Variants in PLCG2 observed in about 807,000 individuals in gnomAD.
The protein encoded by PLCG2 is 1-phosphatidylinositol 4,5-bisphosphate phosphodiesterase gamma-2.
Under a neutral mutation model 175.6 loss-of-function variants are expected in PLCG2, and 69 were observed. The ratio of observed to expected loss-of-function variants is 0.39; its 90% CI spans 0.32 to 0.48. The LOEUF (loss-of-function observed/expected upper bound fraction) is 0.48. Among genes scored for constraint, PLCG2 ranks in the 20% least tolerant of loss-of-function variants. PLCG2 has a pLI of 0.91. For synonymous variants in PLCG2, 827 were observed against 624.0 expected, an observed-to-expected ratio of 1.33 and a Z score of -4.85; for missense variants, 1,798 against 1,650.9, an observed-to-expected ratio of 1.09 and a Z score of -1.54.
intron 2 of PLCG2, among the ~76,000 whole-genome samples, chr16:81,846,454 C>T (rs927765363): frequency 6.6e-6 from 1 of 152,208 alleles, no homozygotes; most frequent in African/African-American, 2.4e-5. Flanking sequence ...AGGGAACCAA[C>T]CTATGATAAC....
intron 30 of PLCG2, among the ~76,000 whole-genome samples, chr16:81,944,227 T>G (rs1308565761): frequency 1.3e-5 from 2 of 152,178 alleles, no homozygotes; most frequent in African/African-American, 4.8e-5. Flanking sequence ...GATGGGTAGA[T>G]AAATCCATGA....
rs774094130 is a variant in PLCG2 at position 81,958,028 on chromosome 16, G to C, written c.*30G>C. The C allele has an allele frequency of 6.6e-7, 1 of 1,524,736 alleles. No individual in the cohort carries two copies. The highest frequency in any genetic ancestry group is 9.1e-7 in the Non-Finnish European group (1 of 1,098,386). 94.5% of individuals were successfully genotyped at this position (1,524,736 alleles called of 1,614,324 possible). ...TGGGGTATGTGTGTAAGGGTATTGT[G>C]TGTGTGCGCATGTGTGTTTGCATGT... On this transcript the variant is annotated 3_prime_UTR_variant, in exon 33 of 33. Coordinates refer to ENST00000564138, the MANE Select transcript of PLCG2 (RefSeq NM_002661.5).
chr16:81,813,038 C>T (rs903474444), intron 2 of PLCG2, among the ~76,000 whole-genome samples: 14 of 152,134 alleles, frequency 9.2e-5, no homozygotes, highest in African/African-American at 3.1e-4. Context: ...GTCTGTATAT[C>T]TATTTTGGTA....
At chr16:81,868,213 C>G (rs1189654848) in intron 5 of PLCG2, among the ~76,000 whole-genome samples, 1 of 152,184 alleles carries the variant, frequency 6.6e-6, no homozygotes, top group African/African-American at 2.4e-5. Context: ...AAGGTAGAAT[C>G]TGGTGAACAA....
At chr16:81,953,726 T>C (rs1416112130) in intron 31 of PLCG2, among the ~76,000 whole-genome samples, 2 of 152,230 alleles carry the variant, frequency 1.3e-5, no homozygotes, top group African/African-American at 2.4e-5. Context: ...TGTAGAGTTA[T>C]TCACTAAACT....
chr16:81,884,121 C>T lies in PLCG2; in HGVS notation c.765+780C>T, dbSNP rs188766615. The stretch of plus-strand genomic sequence containing the variant: ...ATCCCAGCACTTTGGGAGGCCGAGG[C>T]GGGCGGATCACTTGAAGCCAGGAGT... On this transcript the variant is annotated intron_variant, in intron 9 of 32. Coordinates refer to ENST00000564138, the MANE Select transcript of PLCG2 (RefSeq NM_002661.5). 3.3e-4 allele frequency among the ~76,000 whole-genome samples: 51 copies of T among 152,310 alleles called. No individual in the cohort carries two copies. In the East Asian group the frequency reaches 7.5e-3, roughly 22 times the overall value.
At chr16:81,756,009 T>G (rs1187541549) in intron 2 of PLCG2, 4 of 153,020 alleles carry the variant, frequency 2.6e-5, no homozygotes, top group African/African-American at 9.7e-5. Flanking sequence ...AAACCCTGAC[T>G]CCAGGCCAGT....
intron 24 of PLCG2, chr16:81,931,123 C>G (rs4337289): frequency 0.44 from 67,970 of 155,514 alleles, 15,721 homozygotes; most frequent in East Asian, 0.79. Context: ...TTTCCTGCAT[C>G]TTAAGTGTCC....
chr16:81,763,105 A>G (rs369851220), intron 2 of PLCG2, among the ~76,000 whole-genome samples: 3 of 152,176 alleles, frequency 2.0e-5, no homozygotes, highest in Admixed American at 2.0e-4. Flanking sequence ...CAAAAGATAA[A>G]AATACTTGCT....
chr16:81,939,704 G>A (rs927295579), intron 29 of PLCG2, among the ~76,000 whole-genome samples, 188 bp from the exon 30 acceptor site: 1 of 152,248 alleles, frequency 6.6e-6, no homozygotes, highest in Non-Finnish European at 1.5e-5. Context: ...TGCAACAGCA[G>A]CTTCCAGGAT....
rs72834727 is a variant in PLCG2, at chr16:81,781,651, C to A, written c.-48+2227C>A. On this transcript the variant is annotated intron_variant, in intron 1 of 32. Transcript: ENST00000564138. ...TGAAAATAGTGTATTCCCTCTAATG[C>A]TGCAGGGTGGGTGTAAGGTGCAGCA... 4.9e-3 allele frequency among the ~76,000 whole-genome samples: 740 copies of A among 152,284 alleles called. 1 individual carries two copies. The highest frequency in any genetic ancestry group is 7.7e-3 in the Non-Finnish European group (521 of 68,028).
chr16:81,908,792 T>A (rs1274732554), intron 17 of PLCG2, among the ~76,000 whole-genome samples: 9 of 152,130 alleles, frequency 5.9e-5, no homozygotes, highest in Non-Finnish European at 4.4e-5. Flanking sequence ...TTAATGAGAT[T>A]TCAGGGCAAT....
chr16:81,744,654 C>T (rs1419013490), intron 1 of PLCG2, among the ~76,000 whole-genome samples: 2 of 152,196 alleles, frequency 1.3e-5, no homozygotes, highest in East Asian at 3.9e-4. Context: ...CTCTCTGCAG[C>T]CTTGACCTCC....
chr16:81,760,757 AAAT>A (rs60607620), intron 2 of PLCG2, among the ~76,000 whole-genome samples: 17 of 146,344 alleles, frequency 1.2e-4, no homozygotes, highest in Non-Finnish European at 1.8e-4. Flanking sequence ...TTAAAAAAAA[AAAT>A]AATAATAATA....
At chr16:81,912,485 T>A (rs1403055225) in intron 18 of PLCG2, 112 bp from the exon 19 acceptor site, 5 of 1,324,990 alleles carry the variant, frequency 3.8e-6, no homozygotes, top group East Asian at 2.5e-5. Flanking sequence ...CATGGTCGTT[T>A]CCAGGGCCAG....
intron 24 of PLCG2, among the ~76,000 whole-genome samples, chr16:81,929,369 A>C (rs188209014): frequency 3.3e-5 from 5 of 152,276 alleles, no homozygotes; most frequent in African/African-American, 1.2e-4. Flanking sequence ...TTCTATTGCC[A>C]ATGCTCTGCT....
Position 81,795,803 on chromosome 16 carries a change from G to A in PLCG2, c.193+9621G>A, listed in dbSNP as rs151158996. ...CAGCCTTGAACTCCTCGGATCAAGTGATCCTCCTGCTTTGGCCTCCCAAAG... is the reference window on the plus strand; with the variant it reads ...CAGCCTTGAACTCCTCGGATCAAGTAATCCTCCTGCTTTGGCCTCCCAAAG... On this transcript the variant is annotated intron_variant, in intron 2 of 32. Transcript: ENST00000564138. Among the ~76,000 whole-genome samples the A allele has an allele frequency of 6.8e-3, 1,042 of 152,244 alleles. 4 individuals are homozygous for A. Among genetic ancestry groups the A allele is most frequent in the Middle Eastern group, 0.014 (4 of 294 alleles).
intron 2 of PLCG2, among the ~76,000 whole-genome samples, chr16:81,850,319 C>T (rs1188667361): frequency 6.6e-6 from 1 of 152,126 alleles, no homozygotes; most frequent in Non-Finnish European, 1.5e-5. Context: ...ATCATGAAGT[C>T]TGTAAAAGTA....
intron 2 of PLCG2, among the ~76,000 whole-genome samples, chr16:81,841,757 T>TC (rs1905844649): frequency 1.3e-5 from 2 of 152,188 alleles, no homozygotes; most frequent in South Asian, 4.1e-4. Context: ...GCCCCTTTTG[T>TC]CATTACATGT....
Sources: allele counts gnomAD v4.1 joint callset (sites outside exome capture counted in the v4.1 genomes callset), GRCh38; gene constraint gnomAD v4.1.1; transcripts MANE v1.5; gene names NCBI Gene and HGNC (gene_info 2026-07-23, HGNC 2026-07-21).